TRPM1: variants seen among roughly 807,000 people sequenced by gnomAD.
TRPM1 encodes the protein transient receptor potential cation channel subfamily M member 1.
Under a neutral mutation model 149.4 loss-of-function variants are expected in TRPM1, and 113 were observed. The observed-to-expected ratio is 0.76, with a 90% CI of 0.65 to 0.88. The LOEUF (loss-of-function observed/expected upper bound fraction) is 0.88, where lower values mean the gene tolerates loss of function less well. TRPM1 is among the 40% of genes least tolerant of loss of function. The pLI, the probability that TRPM1 is intolerant of heterozygous loss-of-function variation, is 0.00. For synonymous variants in TRPM1, 741 were observed against 759.5 expected (o/e 0.98, Z 0.40); for missense variants, 1,976 against 2,038.7 (o/e 0.97, Z 0.59).
At chr15:31,107,460 G>T (rs542708041) in intron 1 of TRPM1, among the ~76,000 whole-genome samples, 1 of 152,058 alleles carries the variant, frequency 6.6e-6, no homozygotes, top group Non-Finnish European at 1.5e-5. Context: ...TGTTTAGATG[G>T]CCAGTCTAGC....
Position 31,061,450 on chromosome 15 carries a change from A to G in TRPM1, c.1154T>C (p.Leu385Pro), listed in dbSNP as rs768016636. 6.2e-7 allele frequency: 1 copy of G among 1,614,148 alleles called. No individual in the cohort carries two copies. Among genetic ancestry groups the G allele is most frequent in the South Asian group, 1.1e-5 (1 of 91,080 alleles). Residue 385 changes from leucine (L) to proline (P), a missense_variant, in exon 10 of 28, where the codon CTG becomes CCG. By Grantham distance (98) the Leu-to-Pro change is moderately conservative. Around this residue, in one of 3 missense-constraint regions of TRPM1, gnomAD observed 1,332 missense variants for 1,347.1 expected, o/e 0.99. Transcript: ENST00000256552. ...ATTTCCTGAGAGCTCACCTTTCAGC[A>G]GGGCAGTTAAAATTGCCATCTCGAT... is the stretch of plus-strand genomic sequence containing the variant. ...QDIEMAILTA[L>P]LKGTNVSAPD...
chr15:31,049,556 A>G (rs1206389337), intron 12 of TRPM1, 47 bp from the exon 13 acceptor site: 1 of 1,611,342 alleles, frequency 6.2e-7, no homozygotes, highest in Non-Finnish European at 8.5e-7. Flanking sequence ...TCTCAGAGAC[A>G]CAGGGGAGGG....
chr15:31,028,560 A>G (rs2032904084), intron 24 of TRPM1, 84 bp from the exon 25 acceptor site: 11 of 1,454,950 alleles, frequency 7.6e-6, no homozygotes, highest in Non-Finnish European at 1.0e-5. Context: ...TTCAATACCT[A>G]TTTCTTTTTT....
intron 27 of TRPM1, among the ~76,000 whole-genome samples, chr15:31,025,777 G>A (rs2032707794): frequency 6.6e-6 from 1 of 152,208 alleles, no homozygotes; most frequent in African/African-American, 2.4e-5. Context: ...GCAGTCCCCT[G>A]GGGAGGACCA....
chr15:31,141,095 G>A (rs2036155662), intron 1 of TRPM1, among the ~76,000 whole-genome samples: 1 of 151,766 alleles, frequency 6.6e-6, no homozygotes, highest in Non-Finnish European at 1.5e-5. Flanking sequence ...GCCTCCCAAA[G>A]TGCTGGGATT....
At chr15:31,157,061 T>A (rs951606910) in intron 1 of TRPM1, among the ~76,000 whole-genome samples, 4 of 151,960 alleles carry the variant, frequency 2.6e-5, no homozygotes, top group Admixed American at 6.6e-5. Flanking sequence ...ACAGGTGCAC[T>A]CCACCACACC....
At chr15:31,112,450 T>C (rs1437033050) in intron 1 of TRPM1, among the ~76,000 whole-genome samples, 1 of 152,180 alleles carries the variant, frequency 6.6e-6, no homozygotes, top group Non-Finnish European at 1.5e-5. Flanking sequence ...TGCACTCCAG[T>C]CTGGGTTCTT....
chr15:31,045,068 C>G (rs1031785654), intron 16 of TRPM1, among the ~76,000 whole-genome samples: 10 of 152,112 alleles, frequency 6.6e-5, no homozygotes, highest in Non-Finnish European at 1.5e-4. Context: ...GTCCACCAAA[C>G]CTTCATGGAA....
intron 12 of TRPM1, among the ~76,000 whole-genome samples, chr15:31,050,022 C>A (rs2033902763): frequency 6.6e-6 from 1 of 152,206 alleles, no homozygotes; most frequent in African/African-American, 2.4e-5. Context: ...ACCCCACACA[C>A]CCAATCATGG....
At chr15:31,109,769 A>T (rs2141022705) in intron 1 of TRPM1, among the ~76,000 whole-genome samples, 1 of 151,660 alleles carries the variant, frequency 6.6e-6, no homozygotes, top group Admixed American at 6.6e-5. Flanking sequence ...GAGTCCTGGC[A>T]GCAGACTTGA....
chr15:31,152,894 C>T (rs1169733095), intron 1 of TRPM1, among the ~76,000 whole-genome samples: 1 of 152,180 alleles, frequency 6.6e-6, no homozygotes, highest in Non-Finnish European at 1.5e-5. Flanking sequence ...CCTCTTGCCT[C>T]AGCCTCCTAA....
intron 1 of TRPM1, among the ~76,000 whole-genome samples, chr15:31,150,577 T>C (rs995553522): frequency 6.6e-6 from 1 of 151,944 alleles, no homozygotes; most frequent in African/African-American, 2.4e-5. Flanking sequence ...GGTGGGATTA[T>C]AGGCATGCGC....
intron 14 of TRPM1, among the ~76,000 whole-genome samples, chr15:31,047,652 G>A (rs16956485): frequency 0.024 from 3,639 of 152,302 alleles, 142 homozygotes; most frequent in African/African-American, 0.083. Context: ...TGGCGCTGGC[G>A]TCAACCTATA....
At chr15:31,048,883 T>C (rs2033857290) in intron 13 of TRPM1, among the ~76,000 whole-genome samples, 1 of 152,162 alleles carries the variant, frequency 6.6e-6, no homozygotes, top group Non-Finnish European at 1.5e-5. Flanking sequence ...CTTAAAATCT[T>C]ACAATAGGGA....
At chr15:31,081,110 G>A (rs761699523) in intron 2 of TRPM1, among the ~76,000 whole-genome samples, 1 of 152,138 alleles carries the variant, frequency 6.6e-6, no homozygotes, top group African/African-American at 2.4e-5. Context: ...TGGGGCATCG[G>A]TCTTGCATTT....
intron 1 of TRPM1, among the ~76,000 whole-genome samples, chr15:31,126,328 T>C (rs1030052694): frequency 6.6e-6 from 1 of 152,220 alleles, no homozygotes; most frequent in African/African-American, 2.4e-5. Flanking sequence ...AGAGCATTCA[T>C]AGAAGACTGC....
At chr15:31,053,771 T>C (rs947507876) in intron 11 of TRPM1, among the ~76,000 whole-genome samples, 1 of 152,232 alleles carries the variant, frequency 6.6e-6, no homozygotes, top group African/African-American at 2.4e-5. Context: ...AAAGCAAGTC[T>C]CAAAGAAGTA....
upstream of TRPM1, among the ~76,000 whole-genome samples, chr15:31,103,405 A>G (rs1273416759): frequency 3.9e-5 from 6 of 152,242 alleles, no homozygotes; most frequent in African/African-American, 1.4e-4. Context: ...TATACACGGG[A>G]TTGCCAAGAC....
At position 31,002,034 on chromosome 15, in the gene TRPM1, A is replaced by C; in HGVS notation, c.4666T>G (p.Leu1556Val). 6.2e-7 allele frequency: 1 copy of C among 1,614,230 alleles called. No homozygotes were observed. The highest frequency in any genetic ancestry group is 8.5e-7 in the Non-Finnish European group (1 of 1,180,048). Residue 1556 changes from leucine to valine, a missense_variant, in exon 28 of 28, where the codon TTA becomes GTA. By Grantham distance (32) the Leu-to-Val change is conservative. Coordinates refer to ENST00000256552, the MANE Select transcript of TRPM1 (RefSeq NM_001252024.2). The stretch of plus-strand genomic sequence containing the variant: ...GTTTGATCTGGCTTCACAGACAGTA[A>C]GTTTTCCATCCCATTTCTGTCAGTA... Reference protein sequence around the residue: ...TITDRNGMENLLSVKPDQTLG... With the variant: ...TITDRNGMENVLSVKPDQTLG...
Sources: allele counts gnomAD v4.1 joint callset (sites outside exome capture counted in the v4.1 genomes callset), GRCh38; gene constraint gnomAD v4.1.1; regional missense constraint gnomAD v4.1.1; transcripts MANE v1.5; gene names NCBI Gene and HGNC (gene_info 2026-07-23, HGNC 2026-07-21).